SLC25A31: variants seen among roughly 807,000 people sequenced by gnomAD.
The protein encoded by SLC25A31 is ADP/ATP translocase 4.
In SLC25A31, 40 loss-of-function variants were observed where a neutral mutation model predicts 36.2. The ratio of observed to expected loss-of-function variants is 1.10; its 90% CI spans 0.86 to 1.44. The LOEUF is 1.44. Ranked by LOEUF, SLC25A31 falls within the 40% of genes most tolerant of loss-of-function variation. The probability of loss-of-function intolerance (pLI) is 0.00; values close to 1 mark genes in which losing one functional copy is unlikely to be tolerated. For synonymous variants in SLC25A31, 143 were observed against 149.7 expected, an observed-to-expected ratio of 0.96 and a Z score of 0.32; for missense variants, 350 against 397.1, an observed-to-expected ratio of 0.88 and a Z score of 1.01.
intron 1 of SLC25A31, among the ~76,000 whole-genome samples, chr4:127,732,439 A>T (rs181499785): frequency 6.6e-6 from 1 of 152,128 alleles, no homozygotes; most frequent in African/African-American, 2.4e-5. Flanking sequence ...TTCCCCCAAG[A>T]TTTTTTCAGG....
At chr4:127,752,697 G>T (rs1323997551) in intron 2 of SLC25A31, among the ~76,000 whole-genome samples, 2 of 152,072 alleles carry the variant, frequency 1.3e-5, no homozygotes, top group East Asian at 1.9e-4. Context: ...TGATAAAGGG[G>T]TCAGTTCATC....
At chr4:127,739,928 C>T (rs574860461) in intron 1 of SLC25A31, among the ~76,000 whole-genome samples, 5 of 151,932 alleles carry the variant, frequency 3.3e-5, no homozygotes, top group Admixed American at 6.6e-5. Context: ...CATAAGATCT[C>T]ATTGATTTCT....
chr4:127,773,871 G>A lies in SLC25A31; in HGVS notation c.*297G>A. On this transcript the variant is annotated 3_prime_UTR_variant, in exon 6 of 6. Transcript: ENST00000281154. Reference sequence around the variant, plus strand: ...ATTAAAAATTAATCATATAATCCTAGATTAATGCTGAAATCTAGGAAATGA... The same window carrying A: ...ATTAAAAATTAATCATATAATCCTAAATTAATGCTGAAATCTAGGAAATGA... 5.0e-6 allele frequency: 1 copy of A among 200,722 alleles called. No individual in the cohort carries two copies. The highest frequency in any genetic ancestry group is 9.9e-6 in the Non-Finnish European group (1 of 100,530). The allele number at this position is 200,722 out of a possible 1,614,324, so 12.4% of individuals were successfully genotyped here. A position where few individuals can be genotyped will look rare whatever the true frequency, so the allele number is the denominator to read the frequency against.
At chr4:127,771,704 C>T (rs915460567) in intron 5 of SLC25A31, among the ~76,000 whole-genome samples, 1 of 152,166 alleles carries the variant, frequency 6.6e-6, no homozygotes, top group Non-Finnish European at 1.5e-5. Flanking sequence ...AAAATGACGT[C>T]AGTGTTACAT....
At chr4:127,762,008 A>G (rs1732149814) in intron 2 of SLC25A31, among the ~76,000 whole-genome samples, 1 of 152,222 alleles carries the variant, frequency 6.6e-6, no homozygotes, top group South Asian at 2.1e-4. Flanking sequence ...CTTATACAAT[A>G]AAACTGATGA....
intron 3 of SLC25A31, 40 bp from the exon 4 acceptor site, chr4:127,767,026 A>G (rs1168407556): frequency 3.9e-6 from 6 of 1,546,714 alleles, no homozygotes; most frequent in Non-Finnish European, 2.6e-6. Context: ...TTTATTGGAT[A>G]TATAATGTTG....
At chr4:127,736,284 G>A (rs77449482) in intron 1 of SLC25A31, among the ~76,000 whole-genome samples, 1 of 151,960 alleles carries the variant, frequency 6.6e-6, no homozygotes, top group Non-Finnish European at 1.5e-5. Context: ...GTTCAGAGCA[G>A]GTTTTTCTCA....
At chr4:127,731,032 C>T (rs1454943328) in intron 1 of SLC25A31, among the ~76,000 whole-genome samples, 1 of 152,130 alleles carries the variant, frequency 6.6e-6, no homozygotes, top group Admixed American at 6.5e-5. Flanking sequence ...ATCTGCAGTG[C>T]GATTTACACC....
At chr4:127,753,091 A>G (rs1731966629) in intron 2 of SLC25A31, among the ~76,000 whole-genome samples, 1 of 152,208 alleles carries the variant, frequency 6.6e-6, no homozygotes, top group Non-Finnish European at 1.5e-5. Flanking sequence ...ATTAAACAAC[A>G]TGCTTCTGAA....
At chr4:127,765,431 T>C (rs746168805) in intron 3 of SLC25A31, among the ~76,000 whole-genome samples, 1 of 152,204 alleles carries the variant, frequency 6.6e-6, no homozygotes, top group Non-Finnish European at 1.5e-5. Context: ...CATGTTCTCT[T>C]ATTGGCCTAT....
intron 4 of SLC25A31, among the ~76,000 whole-genome samples, 179 bp downstream of exon 4, chr4:127,767,399 C>T (rs1732266423): frequency 6.6e-6 from 1 of 152,146 alleles, no homozygotes; most frequent in Admixed American, 6.5e-5. Context: ...ATTATAACTG[C>T]AGTATGGATC....
At chr4:127,735,876 A>ATTTTTTTT (rs1560630392) in intron 1 of SLC25A31, among the ~76,000 whole-genome samples, 5 of 73,756 alleles carry the variant, frequency 6.8e-5, no homozygotes, top group African/African-American at 2.4e-4. Flanking sequence ...TATTTTATTT[A>ATTTTTTTT]TTTATTTATT....
chr4:127,754,888 G>A (rs1209372284), intron 2 of SLC25A31, among the ~76,000 whole-genome samples: 2 of 152,072 alleles, frequency 1.3e-5, no homozygotes, highest in East Asian at 3.8e-4. Context: ...CATACCACCT[G>A]GTTTTAAAAT....
At chr4:127,741,479 G>A (rs1372714138) in intron 1 of SLC25A31, among the ~76,000 whole-genome samples, 1 of 152,172 alleles carries the variant, frequency 6.6e-6, no homozygotes, top group Non-Finnish European at 1.5e-5. Flanking sequence ...ATGCTCATAT[G>A]ATTTTTGTCC....
intron 2 of SLC25A31, among the ~76,000 whole-genome samples, chr4:127,748,375 C>T (rs1308634780): frequency 1.3e-5 from 2 of 152,132 alleles, no homozygotes; most frequent in East Asian, 1.9e-4. Context: ...TTAAAGAGCT[C>T]GGTCTCAACA....
At chr4:127,769,285 C>T (rs1178564551) in intron 5 of SLC25A31, among the ~76,000 whole-genome samples, 2 of 152,120 alleles carry the variant, frequency 1.3e-5, no homozygotes, top group East Asian at 1.9e-4. Context: ...AGGACAAAAA[C>T]TTGTTTGTCA....
chr4:127,764,781 G>T (rs1297429850), intron 3 of SLC25A31, among the ~76,000 whole-genome samples: 3 of 151,814 alleles, frequency 2.0e-5, no homozygotes, highest in Non-Finnish European at 4.4e-5. Context: ...TTTTTTGGTA[G>T]AGTATATTCT....
chr4:127,731,882 A>G (rs780053850), intron 1 of SLC25A31, among the ~76,000 whole-genome samples: 6 of 152,112 alleles, frequency 3.9e-5, no homozygotes, highest in East Asian at 3.8e-4. Flanking sequence ...AACAAACACA[A>G]TATATACAAG....
intron 2 of SLC25A31, among the ~76,000 whole-genome samples, chr4:127,752,534 T>A (rs1285769788): frequency 6.6e-6 from 1 of 151,738 alleles, no homozygotes; most frequent in African/African-American, 2.4e-5. Context: ...AACCTGCACA[T>A]TGTGCACATG....
Sources: gnomAD v4.1 joint callset for allele counts (sites outside exome capture counted in the v4.1 genomes callset) on GRCh38, gnomAD v4.1.1 for gene constraint, MANE v1.5 for transcripts, NCBI Gene and HGNC (gene_info 2026-07-23, HGNC 2026-07-21) for gene names.